GATA4: variants seen among roughly 807,000 people sequenced by gnomAD.
The protein encoded by GATA4 is transcription factor GATA-4.
GATA4 carries 7 observed loss-of-function variants against 37.9 expected under a neutral mutation model. The ratio of observed to expected loss-of-function variants is 0.18; its 90% CI spans 0.11 to 0.35. GATA4 has a LOEUF of 0.35. Ranked by LOEUF, GATA4 falls within the 10% of genes least tolerant of loss-of-function variation. The pLI is 1.00. For missense variants in GATA4, 647 were observed against 653.0 expected (o/e 0.99, Z 0.10); for synonymous variants, 372 against 292.6 (o/e 1.27, Z -2.77).
chr8:11,708,172 GT>G lies in GATA4; in HGVS notation c.-135del. On this transcript the variant is annotated 5_prime_UTR_variant, in exon 2 of 7. Coordinates refer to ENST00000532059, the MANE Select transcript of GATA4 (RefSeq NM_001308093.3). This position sits in a 1 kb window ranked among gnomAD's most constrained non-coding sequence, Gnocchi z 6.7. The stretch of plus-strand genomic sequence containing the variant: ...TACGTATATATTTTTAAGCGAGTTG[GT>G]TTTTTCCCCTTTGATTTTTGATCTT... 6 of 959,250 alleles carry G rather than the reference GT, an allele frequency of 6.3e-6. No individual in the cohort carries two copies. Among genetic ancestry groups the G allele is most frequent in the Non-Finnish European group, 8.0e-6 (5 of 622,782 alleles). The allele number at this position is 959,250 out of a possible 1,614,324, so 59.4% of individuals were successfully genotyped here.
intron 4 of GATA4, among the ~76,000 whole-genome samples, chr8:11,751,669 A>G (rs752524006): frequency 6.6e-5 from 10 of 152,268 alleles, no homozygotes; most frequent in Non-Finnish European, 1.3e-4. Flanking sequence ...ATGGACTGAC[A>G]TCTCACAGAA....
chr8:11,722,645 G>A (rs1195362750), intron 2 of GATA4, among the ~76,000 whole-genome samples: 1 of 152,160 alleles, frequency 6.6e-6, no homozygotes. Flanking sequence ...TCTGCAGACT[G>A]GATTTTGTTG....
chr8:11,748,774 G>C (rs989868450), intron 2 of GATA4, 142 bp from the exon 3 acceptor site: 9 of 909,862 alleles, frequency 9.9e-6, no homozygotes, highest in Non-Finnish European at 1.6e-5. Context: ...GAGTGAGGAA[G>C]AGCAAGAGCA....
chr8:11,686,720 C>G (rs921361845), intron 1 of GATA4, among the ~76,000 whole-genome samples: 1 of 152,192 alleles, frequency 6.6e-6, no homozygotes, highest in Non-Finnish European at 1.5e-5. Context: ...AATCCTCAGG[C>G]TGGGCGCAGT....
At chr8:11,697,615 G>T in intron 1 of GATA4, 1 of 985,442 alleles carries the variant, frequency 1.0e-6, no homozygotes, top group Non-Finnish European at 1.2e-6. Flanking sequence ...ATGGCCGGAC[G>T]GCCGGGCCTC....
At chr8:11,701,857 G>A (rs1799688220), upstream of GATA4, among the ~76,000 whole-genome samples, 1 of 152,112 alleles carries the variant, frequency 6.6e-6, no homozygotes, top group Admixed American at 6.6e-5. Context: ...GGGGTGGTGG[G>A]GGGTGGTGGG....
At chr8:11,683,375 A>G (rs1247242101) in intron 1 of GATA4, among the ~76,000 whole-genome samples, 1 of 152,128 alleles carries the variant, frequency 6.6e-6, no homozygotes, top group African/African-American at 2.4e-5. Context: ...GTAAATAGTA[A>G]TTCTACCCAT....
intron 2 of GATA4, among the ~76,000 whole-genome samples, chr8:11,744,076 T>C (rs1406557184): frequency 1.3e-5 from 2 of 152,224 alleles, no homozygotes; most frequent in Non-Finnish European, 2.9e-5. Flanking sequence ...GTTCCTGGCT[T>C]GCAGTCTCAA....
rs527802563 is a variant in GATA4, at chr8:11,697,789, C to T, written c.-728-2719C>T. 1.1e-5 allele frequency: 11 copies of T among 985,452 alleles called. No homozygotes were observed. In the African/African-American group the frequency reaches 1.9e-4, roughly 17 times the overall value. 61.0% of individuals were successfully genotyped at this position (985,452 alleles called of 1,614,324 possible). A position where few individuals can be genotyped will look rare whatever the true frequency, so the allele number is the denominator to read the frequency against. On this transcript the variant is annotated intron_variant, in intron 1 of 2. Transcript: ENST00000526974. ...GGGCGTCTTCTCCAACTCCGGGTCA[C>T]CTCGGGGCGAGGGCAAGGGTGCCGG...
upstream of GATA4, among the ~76,000 whole-genome samples, chr8:11,701,715 A>G (rs1042201477): frequency 2.0e-5 from 3 of 152,176 alleles, no homozygotes; most frequent in Admixed American, 1.3e-4. Flanking sequence ...CGCTGGACCT[A>G]GAGGAAAAAG....
intron 2 of GATA4, among the ~76,000 whole-genome samples, chr8:11,742,668 C>T (rs530258876): frequency 2.6e-5 from 4 of 152,372 alleles, no homozygotes; most frequent in Non-Finnish European, 4.4e-5. Flanking sequence ...TGGGCCTCCC[C>T]GTGACAGCCT....
chr8:11,756,849 G>A (rs1802593428), intron 5 of GATA4, 86 bp from the exon 6 acceptor site: 1 of 1,569,806 alleles, frequency 6.4e-7, no homozygotes, highest in Non-Finnish European at 8.8e-7. Context: ...CCATTAGCTT[G>A]CACCCATCCC....
upstream of GATA4, among the ~76,000 whole-genome samples, chr8:11,701,069 AT>A (rs1799658718): frequency 6.6e-6 from 1 of 152,122 alleles, no homozygotes; most frequent in Admixed American, 6.5e-5. Flanking sequence ...GCAGCGTACA[AT>A]TTGCCTCTTC....
chr8:11,696,958 G>T (rs1471201887), intron 1 of GATA4, among the ~76,000 whole-genome samples: 1 of 152,246 alleles, frequency 6.6e-6, no homozygotes, highest in Non-Finnish European at 1.5e-5. Context: ...CTGGGGGAGG[G>T]GTGGACTTTG....
chr8:11,720,728 A>C (rs777776672), intron 2 of GATA4, among the ~76,000 whole-genome samples: 2 of 152,112 alleles, frequency 1.3e-5, no homozygotes, highest in African/African-American at 2.4e-5. Context: ...TTATTTTGCT[A>C]AGGATAATAG....
At chr8:11,751,128 T>C (rs1174165223) in intron 4 of GATA4, among the ~76,000 whole-genome samples, 6 of 152,328 alleles carry the variant, frequency 3.9e-5, no homozygotes, top group Middle Eastern at 3.4e-3. Context: ...TGTAAATATT[T>C]ACTGTTTGTG....
At position 11,708,840 on chromosome 8, in the gene GATA4, C is replaced by A; in HGVS notation, c.528C>A (p.Ala176=). Residue 176 remains alanine (A), a synonymous_variant, in exon 2 of 7, where the codon GCC becomes GCA. Transcript: ENST00000532059. The surrounding 1 kb of genome is among the most constrained non-coding windows in gnomAD (Gnocchi z 6.7). ...ACGTGGGCGCGTCCTGGGCCGCAGC[C>A]GCCGCCGCCTCCGCCGGCCCCTTCG... is the stretch of plus-strand genomic sequence containing the variant. The part of the protein sequence containing the change: ...MADVGASWAA[A]AAASAGPFDS... 1 of 1,490,926 alleles carries A rather than the reference C, an allele frequency of 6.7e-7. No individual in the cohort carries two copies. The highest frequency in any genetic ancestry group is 8.9e-7 in the Non-Finnish European group (1 of 1,127,894). The allele number at this position is 1,490,926 out of a possible 1,614,324, so 92.4% of individuals were successfully genotyped here.
At chr8:11,756,683 A>G (rs1376547338) in intron 5 of GATA4, 1 of 568,966 alleles carries the variant, frequency 1.8e-6, no homozygotes, top group East Asian at 3.0e-5. Flanking sequence ...TTCAAGTTGA[A>G]TGAGGAAGAA....
chr8:11,698,630 C>T lies in GATA4; in HGVS notation c.-728-1878C>T, dbSNP rs560083761. 1.3e-3 allele frequency among the ~76,000 whole-genome samples: 191 copies of T among 152,258 alleles called. 1 individual carries two copies. The highest frequency in any genetic ancestry group is 4.5e-3 in the African/African-American group (188 of 41,552). ...TTCCAGGATTTATGGGTTGGGCTCCCTATGCCTCAGAAAGGGTGCCCCTGG... is the reference window on the plus strand; with the variant it reads ...TTCCAGGATTTATGGGTTGGGCTCCTTATGCCTCAGAAAGGGTGCCCCTGG... On this transcript the variant is annotated intron_variant, in intron 1 of 2. Coordinates refer to the GATA4 transcript ENST00000526974.
Sources: gnomAD v4.1 joint callset for allele counts (sites outside exome capture counted in the v4.1 genomes callset) on GRCh38, gnomAD v4.1.1 for gene constraint, Gnocchi (gnomAD v3.1) non-coding constraint, MANE v1.5 for transcripts, NCBI Gene and HGNC (gene_info 2026-07-23, HGNC 2026-07-21) for gene names.